SYN2: variants seen among roughly 807,000 people sequenced by gnomAD.
The protein encoded by SYN2 is synapsin-2.
A neutral mutation model predicts 50.9 loss-of-function variants in SYN2; 19 were observed. The observed-to-expected ratio is 0.37, with a 90% CI of 0.26 to 0.55. The LOEUF (loss-of-function observed/expected upper bound fraction) is 0.55. SYN2 is among the 20% of genes least tolerant of loss of function. SYN2 has a pLI of 0.81. For missense variants in SYN2, 587 were observed against 576.4 expected, an observed-to-expected ratio of 1.02 and a Z score of -0.19; for synonymous variants, 255 against 224.9, an observed-to-expected ratio of 1.13 and a Z score of -1.20.
intron 1 of SYN2, among the ~76,000 whole-genome samples, chr3:12,132,213 A>C (rs1319491283): frequency 6.6e-6 from 1 of 151,924 alleles, no homozygotes; most frequent in African/African-American, 2.4e-5. Flanking sequence ...TGTGTTCAGT[A>C]ACTCTATAAA....
chr3:12,117,489 A>G (rs1382648438), intron 1 of SYN2, among the ~76,000 whole-genome samples: 1 of 152,182 alleles, frequency 6.6e-6, no homozygotes, highest in Non-Finnish European at 1.5e-5. Flanking sequence ...AAGTGCTGGA[A>G]ATTACTTCAG....
intron 1 of SYN2, among the ~76,000 whole-genome samples, chr3:12,108,674 A>G (rs1696251535): frequency 6.6e-6 from 1 of 152,136 alleles, no homozygotes; most frequent in African/African-American, 2.4e-5. Flanking sequence ...TACAGCTGTT[A>G]CTAAGTCATC....
At chr3:12,033,337 G>A (rs1261702800) in intron 1 of SYN2, among the ~76,000 whole-genome samples, 1 of 152,230 alleles carries the variant, frequency 6.6e-6, no homozygotes, top group African/African-American at 2.4e-5. Flanking sequence ...CACGCTGGGA[G>A]CTGTAGACCG....
chr3:12,143,857 C>A (rs1018377841), intron 3 of SYN2, among the ~76,000 whole-genome samples: 1 of 152,122 alleles, frequency 6.6e-6, no homozygotes, highest in Non-Finnish European at 1.5e-5. Context: ...TTTGAGAAAT[C>A]TTTATATTGT....
intron 11 of SYN2, chr3:12,184,643 T>G: frequency 1.0e-6 from 1 of 985,892 alleles, no homozygotes; most frequent in Non-Finnish European, 1.2e-6. Context: ...TGTCTCAGAT[T>G]TAGCTTGTGT....
intron 1 of SYN2, chr3:12,071,095 G>A: frequency 1.8e-6 from 1 of 561,248 alleles, no homozygotes; most frequent in African/African-American, 1.9e-5. Context: ...GAAGTGTGAT[G>A]TGGACATCTG....
At chr3:12,066,222 A>C (rs1185082604) in intron 1 of SYN2, among the ~76,000 whole-genome samples, 11 of 152,210 alleles carry the variant, frequency 7.2e-5, no homozygotes, top group Non-Finnish European at 1.6e-4. Flanking sequence ...TGTTAATTAT[A>C]ACAAATATAC....
intron 10 of SYN2, among the ~76,000 whole-genome samples, chr3:12,183,010 G>A (rs187980987): frequency 9.2e-5 from 14 of 152,344 alleles, no homozygotes; most frequent in Admixed American, 3.9e-4. Flanking sequence ...GCTAGAGGAC[G>A]CAAAGCTTCT....
At chr3:12,172,959 C>T (rs182613519) in intron 10 of SYN2, among the ~76,000 whole-genome samples, 2 of 152,318 alleles carry the variant, frequency 1.3e-5, no homozygotes, top group East Asian at 3.9e-4. Context: ...ATCTGCATTT[C>T]CATTGACTAA....
chr3:12,043,381 A>C (rs1426870153), intron 1 of SYN2, among the ~76,000 whole-genome samples: 1 of 152,046 alleles, frequency 6.6e-6, no homozygotes, highest in African/African-American at 2.4e-5. Flanking sequence ...ATTAGTGGTA[A>C]TTTGTTATGA....
intron 1 of SYN2, among the ~76,000 whole-genome samples, chr3:12,009,459 G>A (rs917624333): frequency 6.6e-6 from 1 of 151,934 alleles, no homozygotes; most frequent in African/African-American, 2.4e-5. Flanking sequence ...CATAATGATA[G>A]CATTTAAACC....
chr3:12,165,753 C>T (rs1697772072), intron 7 of SYN2: 2 of 152,206 alleles, frequency 1.3e-5, no homozygotes, highest in Non-Finnish European at 2.9e-5. Context: ...ATTTGTAAAC[C>T]ATGAATGTTA....
intron 5 of SYN2, among the ~76,000 whole-genome samples, chr3:12,155,753 G>C (rs1697437278): frequency 6.6e-6 from 1 of 152,180 alleles, no homozygotes; most frequent in Non-Finnish European, 1.5e-5. Flanking sequence ...TGAAGGCAGG[G>C]AACATGTTTC....
chr3:12,172,283 C>T (rs1394249875), intron 10 of SYN2, among the ~76,000 whole-genome samples: 2 of 152,142 alleles, frequency 1.3e-5, no homozygotes, highest in African/African-American at 4.8e-5. Flanking sequence ...CCACATAATA[C>T]CTGGAGTTAG....
At chr3:12,064,058 A>G (rs542216342) in intron 1 of SYN2, among the ~76,000 whole-genome samples, 1 of 152,122 alleles carries the variant, frequency 6.6e-6, no homozygotes, top group East Asian at 1.9e-4. Flanking sequence ...ATCAACAGTG[A>G]TAAGTAATGT....
chr3:12,135,230 C>T (rs912638728), intron 1 of SYN2, among the ~76,000 whole-genome samples: 7 of 152,138 alleles, frequency 4.6e-5, no homozygotes, highest in Admixed American at 6.5e-5. Flanking sequence ...CAGTGGGTGG[C>T]GGCCGGCGCT....
Position 12,158,097 on chromosome 3 carries a change from C to CA in SYN2, c.775-3447dup, listed in dbSNP as rs533965612. Among the ~76,000 whole-genome samples, 614 of 152,258 alleles carry CA rather than the reference C, an allele frequency of 4.0e-3. 8 individuals carry two copies. The highest frequency in any genetic ancestry group is 0.014 in the African/African-American group (594 of 41,552). On this transcript the variant is annotated intron_variant, in intron 5 of 12. Transcript: ENST00000621198. ...TAGTGGAGTGCACACGTGTAAAGAA[C>CA]AACAGCACAGCATAGTAGGAGCGCT...
rs560307347 is a variant in SYN2, at chr3:12,188,731, G to A, written c.1613+1119G>A. Among the ~76,000 whole-genome samples, 4 of 152,228 alleles carry A rather than the reference G, an allele frequency of 2.6e-5. No homozygotes were observed. In the South Asian group the frequency reaches 6.2e-4, roughly 24 times the overall value. On this transcript the variant is annotated intron_variant, in intron 12 of 12. Coordinates refer to ENST00000621198, the MANE Select transcript of SYN2 (RefSeq NM_133625.6). Reference sequence around the variant, plus strand: ...TCTTCCAGTCCCGTGTGATGGGAGGGGCATCACCCACTCTTGCTCCCCAGC... The same window carrying A: ...TCTTCCAGTCCCGTGTGATGGGAGGAGCATCACCCACTCTTGCTCCCCAGC...
Position 12,151,217 on chromosome 3 carries a change from C to T in SYN2, c.685-20C>T. ...AGAAGTTATCTAAGATAAGCTGTAA[C>T]ATTTGCTTTTCTTTTGCAGTTTGCC... On this transcript the variant is annotated intron_variant, in intron 4 of 12. Coordinates refer to ENST00000621198, the MANE Select transcript of SYN2 (RefSeq NM_133625.6). The T allele has an allele frequency of 6.4e-7, 1 of 1,567,640 alleles. No homozygotes were observed.
Sources: allele counts gnomAD v4.1 joint callset (sites outside exome capture counted in the v4.1 genomes callset), GRCh38; gene constraint gnomAD v4.1.1; transcripts MANE v1.5; gene names NCBI Gene and HGNC (gene_info 2026-07-23, HGNC 2026-07-21).